PLCB1: variants seen among roughly 807,000 people sequenced by gnomAD.
PLCB1 encodes the protein phospholipase C beta 1, also known as 1-phosphatidylinositol 4,5-bisphosphate phosphodiesterase beta-1.
Under a neutral mutation model 161.8 loss-of-function variants are expected in PLCB1, and 46 were observed. The observed-to-expected ratio is 0.28, with a 90% CI of 0.22 to 0.36. The LOEUF (loss-of-function observed/expected upper bound fraction) is 0.36, where lower values mean the gene tolerates loss of function less well. PLCB1 is among the 10% of genes least tolerant of loss of function. The pLI is 1.00. For missense variants in PLCB1, 1,016 were observed against 1,472.5 expected (o/e 0.69, Z 5.07); for synonymous variants, 517 against 503.7 (o/e 1.03, Z -0.35).
intron 3 of PLCB1, among the ~76,000 whole-genome samples, chr20:8,535,121 A>T (rs1220894461): frequency 1.3e-5 from 2 of 149,026 alleles, no homozygotes; most frequent in Non-Finnish European, 3.0e-5. Flanking sequence ...AAAAAAAAAA[A>T]AAAAGGATAG....
chr20:8,326,773 G>A (rs1044640286), intron 2 of PLCB1, among the ~76,000 whole-genome samples: 3 of 152,172 alleles, frequency 2.0e-5, no homozygotes, highest in African/African-American at 7.2e-5. Context: ...CTCAAAAGTA[G>A]ACCTGCTTAT....
intron 27 of PLCB1, among the ~76,000 whole-genome samples, chr20:8,781,427 CACACACACACACACACACACAA>C (rs1983229254): frequency 1.9e-5 from 1 of 53,908 alleles, no homozygotes; most frequent in Non-Finnish European, 4.1e-5. Flanking sequence ...AACACACACA[CACACACACACACACACACACAA>C]AGATCCAAAT....
intron 2 of PLCB1, among the ~76,000 whole-genome samples, chr20:8,364,120 T>C (rs1986629286): frequency 6.6e-6 from 1 of 152,180 alleles, no homozygotes; most frequent in Admixed American, 6.6e-5. Flanking sequence ...TTAAGAGAGA[T>C]TGTCTGGGTT....
chr20:8,634,223 A>C (rs1338834281), intron 4 of PLCB1, among the ~76,000 whole-genome samples: 1 of 152,152 alleles, frequency 6.6e-6, no homozygotes, highest in South Asian at 2.1e-4. Flanking sequence ...TTATCAGAGG[A>C]TCTCTGTAGG....
At chr20:8,753,356 A>G (rs1432220659) in intron 23 of PLCB1, among the ~76,000 whole-genome samples, 1 of 152,178 alleles carries the variant, frequency 6.6e-6, no homozygotes, top group Admixed American at 6.5e-5. Flanking sequence ...ATCTTCCATG[A>G]AACTGGTCCT....
chr20:8,738,280 G>A (rs914987632), intron 20 of PLCB1, among the ~76,000 whole-genome samples: 2 of 152,136 alleles, frequency 1.3e-5, no homozygotes, highest in African/African-American at 4.8e-5. Flanking sequence ...CACAATGGTT[G>A]AACTAGTTTA....
chr20:8,606,240 A>G (rs1189492091), intron 3 of PLCB1, among the ~76,000 whole-genome samples: 1 of 152,202 alleles, frequency 6.6e-6, no homozygotes, highest in East Asian at 1.9e-4. Context: ...TGAGATAGTA[A>G]AAAGACCTAA....
intron 9 of PLCB1, among the ~76,000 whole-genome samples, chr20:8,673,893 C>T (rs1277814259): frequency 2.0e-5 from 3 of 152,180 alleles, no homozygotes; most frequent in African/African-American, 4.8e-5. Flanking sequence ...CTGGACTTCC[C>T]ACTGAGTGCC....
intron 2 of PLCB1, among the ~76,000 whole-genome samples, chr20:8,165,101 A>G (rs1322179009): frequency 1.3e-5 from 2 of 152,224 alleles, no homozygotes; most frequent in Non-Finnish European, 2.9e-5. Context: ...TTAGTTTTGT[A>G]TAGTTTTCTA....
chr20:8,631,099 A>G (rs751388924), intron 4 of PLCB1, among the ~76,000 whole-genome samples: 47 of 152,194 alleles, frequency 3.1e-4, no homozygotes, highest in Non-Finnish European at 5.4e-4. Context: ...TAAGATTTGC[A>G]AGTACCACTG....
intron 31 of PLCB1, among the ~76,000 whole-genome samples, chr20:8,864,749 AC>A (rs1357103213): frequency 1.3e-5 from 2 of 152,136 alleles, no homozygotes; most frequent in Non-Finnish European, 1.5e-5. Flanking sequence ...TAGAACTAGA[AC>A]CTAGAAGATT....
chr20:8,416,189 T>C (rs998389061), intron 3 of PLCB1, among the ~76,000 whole-genome samples: 12 of 152,322 alleles, frequency 7.9e-5, no homozygotes, highest in Admixed American at 7.2e-4. Flanking sequence ...ACTTGAATGA[T>C]ATTTTTTAGA....
At chr20:8,484,365 CT>C (rs777998571) in intron 3 of PLCB1, among the ~76,000 whole-genome samples, 8,718 of 141,350 alleles carry the variant, frequency 0.062, 447 homozygotes, top group African/African-American at 0.14. Flanking sequence ...TCTTCTTCTT[CT>C]TTTTTTTTTT....
chr20:8,174,829 G>A (rs1014801265), intron 2 of PLCB1, among the ~76,000 whole-genome samples: 34 of 152,098 alleles, frequency 2.2e-4, no homozygotes, highest in African/African-American at 7.2e-4. Context: ...CAGGAGGATT[G>A]CATGAGGCCA....
chr20:8,150,341 AT>A lies in PLCB1; in HGVS notation c.152del (p.Phe51SerfsTer52). 1 of 1,569,380 alleles carries A rather than the reference AT, an allele frequency of 6.4e-7. No homozygotes were observed. The highest frequency in any genetic ancestry group is 1.8e-5 in the Admixed American group (1 of 56,644). The part of the protein sequence containing the change: ...PIILRTDPQG[F>X]FFYWTDQNKE... ...TTATTTTGAGGACTGACCCTCAGGG[AT>A]TTTTCTTTTACTGGACAGATCAAAA... On this transcript the variant is annotated frameshift_variant, in exon 2 of 32. Coordinates refer to ENST00000338037, the MANE Select transcript of PLCB1 (RefSeq NM_015192.4). LOFTEE classifies it high-confidence loss of function.
At chr20:8,324,239 T>TGA (rs1555798457) in intron 2 of PLCB1, among the ~76,000 whole-genome samples, 189 of 136,254 alleles carry the variant, frequency 1.4e-3, no homozygotes, top group Non-Finnish European at 1.6e-3. Context: ...TGTGTGTGTG[T>TGA]GAAACTACGT....
intron 23 of PLCB1, among the ~76,000 whole-genome samples, chr20:8,744,441 T>C (rs957639446): frequency 6.6e-6 from 1 of 151,816 alleles, no homozygotes; most frequent in Non-Finnish European, 1.5e-5. Flanking sequence ...AGCTGAAATT[T>C]ATCTAAAATT....
chr20:8,767,505 A>G (rs1982386878), intron 26 of PLCB1, among the ~76,000 whole-genome samples: 1 of 152,128 alleles, frequency 6.6e-6, no homozygotes, highest in Non-Finnish European at 1.5e-5. Context: ...CTCTGGGCTC[A>G]GGGCCCTTCT....
chr20:8,199,974 G>C (rs1026793807), intron 2 of PLCB1, among the ~76,000 whole-genome samples: 1 of 152,116 alleles, frequency 6.6e-6, no homozygotes, highest in African/African-American at 2.4e-5. Context: ...ATAGGACCAA[G>C]TGGAGAAACT....
Sources: gnomAD v4.1 joint callset for allele counts (sites outside exome capture counted in the v4.1 genomes callset) on GRCh38, gnomAD v4.1.1 for gene constraint, MANE v1.5 for transcripts, NCBI Gene and HGNC (gene_info 2026-07-23, HGNC 2026-07-21) for gene names.